The following PCDH9 variants were observed in gnomAD, a reference collection of about 807,000 sequenced individuals.
PCDH9 encodes protocadherin 9, also known as protocadherin-9.
PCDH9 carries 24 observed loss-of-function variants against 70.6 expected under a neutral mutation model. The ratio of observed to expected loss-of-function variants is 0.34; its 90% confidence interval spans 0.25 to 0.48. The LOEUF (loss-of-function observed/expected upper bound fraction) is 0.48. Ranked by LOEUF, PCDH9 falls within the 20% of genes least tolerant of loss-of-function variation. The pLI is 0.99. For missense variants in PCDH9, 1,281 were observed against 1,503.6 expected (o/e 0.85, Z 2.45); for synonymous variants, 562 against 558.5 (o/e 1.01, Z -0.09).
chr13:66,730,876 G>GTGTGTTTTTTTTTTTTTTTTTTTTTTTT (rs1555262846), intron 3 of PCDH9, among the ~76,000 whole-genome samples: 3 of 46,358 alleles, frequency 6.5e-5, no homozygotes, highest in African/African-American at 2.3e-4. Flanking sequence ...GTGTGTGTGT[G>GTGTGTTTTTTTTTTTTTTTTTTTTTTTT]TTTTTTTTTT....
intron 4 of PCDH9, among the ~76,000 whole-genome samples, chr13:66,444,402 A>G (rs1457861321): frequency 6.6e-6 from 1 of 152,184 alleles, no homozygotes; most frequent in Non-Finnish European, 1.5e-5. Context: ...ACTTTTACAT[A>G]GTGTAGCTCA....
chr13:66,668,987 T>C (rs1051656905), intron 3 of PCDH9, among the ~76,000 whole-genome samples: 18 of 152,176 alleles, frequency 1.2e-4, no homozygotes, highest in Non-Finnish European at 2.5e-4. Flanking sequence ...TAGGAAAATA[T>C]TGCACCTAAA....
intron 3 of PCDH9, among the ~76,000 whole-genome samples, chr13:66,679,175 A>T (rs1341124902): frequency 6.6e-6 from 1 of 151,732 alleles, no homozygotes; most frequent in Non-Finnish European, 1.5e-5. Flanking sequence ...TACTGTACAT[A>T]TAATTATATT....
intron 3 of PCDH9, among the ~76,000 whole-genome samples, chr13:66,788,825 A>G (rs1003160590): frequency 2.6e-5 from 4 of 151,916 alleles, no homozygotes; most frequent in African/African-American, 9.7e-5. Context: ...TTTCCTATTT[A>G]TTCTTTCCTC....
At chr13:66,688,806 C>A (rs1277512827) in intron 3 of PCDH9, among the ~76,000 whole-genome samples, 1 of 152,118 alleles carries the variant, frequency 6.6e-6, no homozygotes, top group Non-Finnish European at 1.5e-5. Flanking sequence ...ACTATTACCT[C>A]ATTTCCCTTC....
chr13:66,599,061 T>C (rs2077135109), intron 4 of PCDH9, among the ~76,000 whole-genome samples: 1 of 151,866 alleles, frequency 6.6e-6, no homozygotes, highest in African/African-American at 2.4e-5. Context: ...TTTAGAGTTA[T>C]TTCCTTTTTT....
chr13:66,835,928 A>C (rs2081010407), intron 3 of PCDH9, among the ~76,000 whole-genome samples: 1 of 152,234 alleles, frequency 6.6e-6, no homozygotes, highest in African/African-American at 2.4e-5. Context: ...ACTTAATTTG[A>C]GATAAAAGTT....
intron 2 of PCDH9, among the ~76,000 whole-genome samples, chr13:66,964,864 A>C (rs1462768374): frequency 6.6e-6 from 1 of 152,074 alleles, no homozygotes; most frequent in Non-Finnish European, 1.5e-5. Context: ...TGAAAATTCA[A>C]GAGCATTACT....
At chr13:66,737,019 TCCATCTC>T (rs1159103140) in intron 3 of PCDH9, among the ~76,000 whole-genome samples, 1 of 152,184 alleles carries the variant, frequency 6.6e-6, no homozygotes, top group African/African-American at 2.4e-5. Context: ...CTCTATTTTT[TCCATCTC>T]CCATGAAACG....
At chr13:66,705,473 G>A (rs2078699426) in intron 3 of PCDH9, among the ~76,000 whole-genome samples, 1 of 152,036 alleles carries the variant, frequency 6.6e-6, no homozygotes. Flanking sequence ...ACAACAAATC[G>A]TCCAATCCCC....
At chr13:66,327,078 C>T (rs182424482) in intron 4 of PCDH9, among the ~76,000 whole-genome samples, 37 of 152,022 alleles carry the variant, frequency 2.4e-4, no homozygotes, top group Admixed American at 2.0e-3. Flanking sequence ...GTTTAAAATA[C>T]GCTTTTGTAT....
chr13:67,213,206 CAAAAAAAAAAAAAAAA>C (rs34813503), intron 2 of PCDH9: 1 of 20,538 alleles, frequency 4.9e-5, no homozygotes, highest in South Asian at 2.7e-3. Context: ...GACTCCGTCA[CAAAAAAAAAAAAAAAA>C]AAAAAAAAAA....
chr13:66,456,049 A>G (rs535857650), intron 4 of PCDH9, among the ~76,000 whole-genome samples: 3 of 152,302 alleles, frequency 2.0e-5, no homozygotes, highest in South Asian at 2.1e-4. Context: ...TAGAACACCT[A>G]TTTGAAAATA....
chr13:67,046,991 G>C (rs1215210645), intron 2 of PCDH9, among the ~76,000 whole-genome samples: 1 of 152,016 alleles, frequency 6.6e-6, no homozygotes, highest in African/African-American at 2.4e-5. Flanking sequence ...ATTTCAAATA[G>C]AGCAATGCAT....
intron 4 of PCDH9, among the ~76,000 whole-genome samples, chr13:66,369,242 T>C (rs1956605310): frequency 6.6e-6 from 1 of 152,098 alleles, no homozygotes; most frequent in Non-Finnish European, 1.5e-5. Flanking sequence ...GAGAAGAATA[T>C]GTGGTTAAAC....
intron 3 of PCDH9, among the ~76,000 whole-genome samples, chr13:66,858,384 T>G (rs1422820679): frequency 1.3e-5 from 2 of 152,222 alleles, no homozygotes; most frequent in African/African-American, 4.8e-5. Flanking sequence ...AATGTCCAAA[T>G]TCGTTAGATG....
intron 3 of PCDH9, among the ~76,000 whole-genome samples, chr13:66,676,687 A>G (rs1027579918): frequency 6.6e-6 from 1 of 152,058 alleles, no homozygotes; most frequent in African/African-American, 2.4e-5. Context: ...ATGAAACATA[A>G]TTATTATCTA....
chr13:66,791,470 A>C (rs1655093334), intron 3 of PCDH9, among the ~76,000 whole-genome samples: 1 of 152,134 alleles, frequency 6.6e-6, no homozygotes, highest in South Asian at 2.1e-4. Flanking sequence ...ATTTATATAC[A>C]CACATATATT....
intron 3 of PCDH9, among the ~76,000 whole-genome samples, chr13:66,727,426 C>T (rs1725634491): frequency 6.6e-6 from 1 of 151,906 alleles, no homozygotes; most frequent in Admixed American, 6.6e-5. Flanking sequence ...GCCTATCTTT[C>T]CTTCTATGCT....
Sources: gnomAD v4.1 joint callset for allele counts (sites outside exome capture counted in the v4.1 genomes callset) on GRCh38, gnomAD v4.1.1 for gene constraint, MANE v1.5 for transcripts, NCBI Gene and HGNC (gene_info 2026-07-23, HGNC 2026-07-21) for gene names.